The following EYS variants were observed in gnomAD, a reference collection of about 807,000 sequenced individuals.
The protein encoded by EYS is EGF-like photoreceptor maintenance factor, also known as protein eyes shut homolog.
In EYS, 250 loss-of-function variants were observed where a neutral mutation model predicts 282.1. That is an observed-to-expected ratio of 0.89 (90% CI 0.80 to 0.98). EYS has a LOEUF of 0.98. Among genes scored for constraint, EYS ranks in the 50% least tolerant of loss-of-function variants. The pLI is 0.00. For synonymous variants in EYS, 1,355 were observed against 1,282.9 expected (o/e 1.06, Z -1.20); for missense variants, 4,016 against 3,709.0 (o/e 1.08, Z -2.15).
chr6:64,010,618 T>C (rs1480758469), intron 33 of EYS, among the ~76,000 whole-genome samples: 1 of 152,174 alleles, frequency 6.6e-6, no homozygotes, highest in Non-Finnish European at 1.5e-5. Flanking sequence ...TCTGATATTG[T>C]ACTGTGCAGG....
At chr6:64,647,669 G>A (rs1189529105) in intron 22 of EYS, among the ~76,000 whole-genome samples, 1 of 151,880 alleles carries the variant, frequency 6.6e-6, no homozygotes, top group Non-Finnish European at 1.5e-5. Context: ...TGTTTCTATA[G>A]TCAGAAAATT....
rs11966286 is a variant in EYS at position 63,771,566 on chromosome 6, T to C, written c.7898+6440A>G. Among the ~76,000 whole-genome samples, 394 of 152,312 alleles carry C rather than the reference T, an allele frequency of 2.6e-3. 1 individual carries two copies. Among genetic ancestry groups the C allele is most frequent in the African/African-American group, 8.9e-3 (372 of 41,570 alleles). On this transcript the variant is annotated intron_variant, in intron 40 of 42. Transcript: ENST00000503581. ...ATACACAGTATGGGTGAAAGACTGG[T>C]GAGCTAGAGATGACTTTAGAAGATA...
chr6:64,569,108 T>C (rs1429022968), intron 26 of EYS, among the ~76,000 whole-genome samples: 1 of 150,208 alleles, frequency 6.7e-6, no homozygotes, highest in Non-Finnish European at 1.5e-5. Context: ...CAGAACTCCT[T>C]GCCAGGAAGG....
Position 63,778,156 on chromosome 6 carries a change from C to G in EYS, c.7748G>C (p.Arg2583Pro), listed in dbSNP as rs564020009. Residue 2583 changes from arginine to proline, a missense_variant, in exon 40 of 43, where the codon CGC becomes CCC. Physicochemically the swap from Arg to Pro is moderately radical, Grantham distance 103. Transcript: ENST00000503581. ...FQGCIFTLQV[R>P]TEKDGHFRGL... ...TCTGAAATGGCCATCCTTCTCAGTG[C>G]GAACTTGAAGAGTGAAAATACAGCC... 3 of 1,551,672 alleles carry G rather than the reference C, an allele frequency of 1.9e-6. No individual in the cohort carries two copies. The highest frequency in any genetic ancestry group is 2.6e-6 in the Non-Finnish European group (3 of 1,146,960).
chr6:64,436,285 T>A lies in EYS; in HGVS notation c.5836-20A>T. On this transcript the variant is annotated intron_variant, in intron 27 of 42. Coordinates refer to ENST00000503581, the MANE Select transcript of EYS (RefSeq NM_001142800.2). ...GTGGTACTGTTGGGGGAAAAAATTT[T>A]GTCCTCAAACAGTTTTTCAGCATGA... is the stretch of plus-strand genomic sequence containing the variant. 7.0e-7 allele frequency: 1 copy of A among 1,423,800 alleles called. No homozygotes were observed. Among genetic ancestry groups the A allele is most frequent in the East Asian group, 2.5e-5 (1 of 39,862 alleles). 88.2% of individuals were successfully genotyped at this position (1,423,800 alleles called of 1,614,324 possible). A position where few individuals can be genotyped will look rare whatever the true frequency, so the allele number is the denominator to read the frequency against.
intron 5 of EYS, among the ~76,000 whole-genome samples, chr6:65,444,319 T>G (rs1768568360): frequency 6.6e-6 from 1 of 152,062 alleles, no homozygotes; most frequent in Admixed American, 6.6e-5. Context: ...AGTGCTAACT[T>G]TTGACTTTAA....
intron 13 of EYS, among the ~76,000 whole-genome samples, chr6:65,017,381 T>G (rs953605978): frequency 6.6e-6 from 1 of 152,222 alleles, no homozygotes; most frequent in African/African-American, 2.4e-5. Context: ...AAATAATTTT[T>G]TATTGTTTTA....
At chr6:64,834,363 C>T (rs1211885758) in intron 19 of EYS, among the ~76,000 whole-genome samples, 1 of 151,698 alleles carries the variant, frequency 6.6e-6, no homozygotes, top group Non-Finnish European at 1.5e-5. Context: ...TTTCTAGTTG[C>T]TACTATTTTT....
chr6:64,882,567 T>C (rs1027242348), intron 19 of EYS, among the ~76,000 whole-genome samples: 1 of 151,702 alleles, frequency 6.6e-6, no homozygotes, highest in Non-Finnish European at 1.5e-5. Flanking sequence ...AATCTAAAGC[T>C]AAATATAATC....
intron 22 of EYS, among the ~76,000 whole-genome samples, chr6:64,763,917 C>A (rs569026335): frequency 6.6e-6 from 1 of 152,180 alleles, no homozygotes; most frequent in African/African-American, 2.4e-5. Context: ...TGCCCTCTGA[C>A]TCTATGTCTC....
rs145046978 is a variant in EYS at position 63,742,839 on chromosome 6, A to G, written c.8072-16159T>C. ...ATTTCTGAGCAGTATTCCATGGGAC[A>G]ATTCTATAAGATTTGATTAACCATT... On this transcript the variant is annotated intron_variant, in intron 41 of 42. Coordinates refer to ENST00000503581, the MANE Select transcript of EYS (RefSeq NM_001142800.2). Among the ~76,000 whole-genome samples the G allele has an allele frequency of 8.0e-4, 122 of 152,314 alleles. 1 individual carries two copies. Among genetic ancestry groups the G allele is most frequent in the African/African-American group, 2.8e-3 (117 of 41,576 alleles).
intron 19 of EYS, among the ~76,000 whole-genome samples, chr6:64,826,994 C>A (rs188933920): frequency 5.3e-5 from 8 of 151,856 alleles, no homozygotes; most frequent in Non-Finnish European, 7.4e-5. Flanking sequence ...ATACTCTCAT[C>A]TCCTGGTTTA....
chr6:63,979,624 T>C (rs569201962), intron 35 of EYS, among the ~76,000 whole-genome samples: 2 of 152,062 alleles, frequency 1.3e-5, no homozygotes, highest in South Asian at 4.1e-4. Context: ...TAAAAACATA[T>C]GGCTCAGAAA....
intron 5 of EYS, among the ~76,000 whole-genome samples, chr6:65,461,204 G>C (rs567581598): frequency 6.6e-6 from 1 of 152,220 alleles, no homozygotes; most frequent in South Asian, 2.1e-4. Context: ...AGAAGGCTAA[G>C]ACCATTACCT....
intron 5 of EYS, among the ~76,000 whole-genome samples, chr6:65,415,150 T>C (rs1767179800): frequency 6.6e-6 from 1 of 152,106 alleles, no homozygotes; most frequent in Non-Finnish European, 1.5e-5. Context: ...ACTGTTTCTA[T>C]GGTATAGTGG....
At chr6:64,140,900 C>G (rs1238998503) in intron 31 of EYS, among the ~76,000 whole-genome samples, 1 of 152,110 alleles carries the variant, frequency 6.6e-6, no homozygotes, top group African/African-American at 2.4e-5. Context: ...CCATCTGTTT[C>G]CTACTGGGAC....
chr6:64,257,893 T>G (rs556207432), intron 30 of EYS, among the ~76,000 whole-genome samples: 21 of 152,010 alleles, frequency 1.4e-4, no homozygotes, highest in African/African-American at 4.8e-4. Flanking sequence ...AGACCTTACT[T>G]AATTGTTGAC....
At chr6:65,421,425 G>C (rs1322859483) in intron 5 of EYS, among the ~76,000 whole-genome samples, 1 of 151,778 alleles carries the variant, frequency 6.6e-6, no homozygotes, top group Non-Finnish European at 1.5e-5. Flanking sequence ...GTTTTGGCTT[G>C]AGGAAATGTT....
intron 29 of EYS, among the ~76,000 whole-genome samples, chr6:64,354,978 T>C (rs1254397610): frequency 6.6e-6 from 1 of 151,580 alleles, no homozygotes; most frequent in East Asian, 2.0e-4. Flanking sequence ...TGCCTTACAA[T>C]TGTTTCTGTA....
Sources: allele counts gnomAD v4.1 joint callset (sites outside exome capture counted in the v4.1 genomes callset), GRCh38; gene constraint gnomAD v4.1.1; transcripts MANE v1.5; gene names NCBI Gene and HGNC (gene_info 2026-07-23, HGNC 2026-07-21).